CEP57L1: variants seen among roughly 807,000 people sequenced by gnomAD.
CEP57L1 encodes centrosomal protein 57 like 1.
Under a neutral mutation model 61.0 loss-of-function variants are expected in CEP57L1, and 37 were observed. The observed-to-expected ratio is 0.61, with a 90% CI of 0.47 to 0.80. CEP57L1 has a LOEUF of 0.80. Among genes scored for constraint, CEP57L1 ranks in the 30% least tolerant of loss-of-function variants. The pLI, the probability that CEP57L1 is intolerant of heterozygous loss-of-function variation, is 0.00. For missense variants in CEP57L1, 422 were observed against 524.7 expected (o/e 0.80, Z 1.91); for synonymous variants, 137 against 162.3 (o/e 0.84, Z 1.19).
intron 1 of CEP57L1, among the ~76,000 whole-genome samples, chr6:109,139,733 C>T (rs1771137464): frequency 6.6e-6 from 1 of 152,074 alleles, no homozygotes; most frequent in Non-Finnish European, 1.5e-5. Flanking sequence ...AATGATCTGC[C>T]CACCTTGGCC....
At chr6:109,153,231 CTT>C (rs34538762) in intron 4 of CEP57L1, among the ~76,000 whole-genome samples, 156 of 78,938 alleles carry the variant, frequency 2.0e-3, no homozygotes, top group East Asian at 0.012. Flanking sequence ...CTAATCTGCA[CTT>C]TTTTTTTTTT....
At chr6:109,104,322 A>AT (rs1770665707) in intron 1 of CEP57L1, among the ~76,000 whole-genome samples, 1 of 151,798 alleles carries the variant, frequency 6.6e-6, no homozygotes. Flanking sequence ...TTAAAAAAAA[A>AT]ATTTTTTTCT....
intron 1 of CEP57L1, among the ~76,000 whole-genome samples, chr6:109,123,823 C>T (rs1448881934): frequency 6.6e-6 from 1 of 152,030 alleles, no homozygotes; most frequent in African/African-American, 2.4e-5. Context: ...AATCTCAGTA[C>T]TTTGGGAGGC....
rs186339458 is a variant in CEP57L1 at position 109,121,240 on chromosome 6, G to A, written c.-3-23979G>A. Among the ~76,000 whole-genome samples the A allele has an allele frequency of 1.2e-3, 178 of 152,184 alleles. 3 individuals are homozygous for A. The highest frequency in any genetic ancestry group is 5.6e-4 in the Non-Finnish European group (38 of 67,998). ...AGTTGGTGTTTATTTTCATTCTGAA[G>A]CAATTTTAGTCATCTAGCAACTCAT... On this transcript the variant is annotated intron_variant, in intron 1 of 10. Coordinates refer to ENST00000517392, the MANE Select transcript of CEP57L1 (RefSeq NM_001271852.3).
chr6:109,120,020 A>G (rs1772767920), intron 1 of CEP57L1, among the ~76,000 whole-genome samples: 1 of 152,222 alleles, frequency 6.6e-6, no homozygotes, highest in African/African-American at 2.4e-5. Flanking sequence ...CTGGATATCA[A>G]TAATAGGCAA....
intron 10 of CEP57L1, 168 bp downstream of exon 10, chr6:109,160,884 A>C: frequency 1.9e-6 from 1 of 529,352 alleles, no homozygotes; most frequent in Non-Finnish European, 3.1e-6. Context: ...TCCCATTGGA[A>C]TAACATGGAC....
chr6:109,149,154 T>C (rs1418946252), intron 3 of CEP57L1, among the ~76,000 whole-genome samples: 1 of 152,246 alleles, frequency 6.6e-6, no homozygotes, highest in Non-Finnish European at 1.5e-5. Context: ...TTGGCTTTTG[T>C]TGCCATTGCT....
At chr6:109,111,814 G>A (rs527303842) in intron 1 of CEP57L1, among the ~76,000 whole-genome samples, 3 of 152,250 alleles carry the variant, frequency 2.0e-5, no homozygotes, top group Non-Finnish European at 4.4e-5. Context: ...CTGTTTATGC[G>A]ATGGATTACG....
At chr6:109,113,189 G>A (rs1771875397) in intron 1 of CEP57L1, among the ~76,000 whole-genome samples, 1 of 152,102 alleles carries the variant, frequency 6.6e-6, no homozygotes, top group African/African-American at 2.4e-5. Flanking sequence ...GAATCTGGGT[G>A]CTGCTGTATT....
chr6:109,155,891 A>T lies in CEP57L1; in HGVS notation c.744+14A>T. On this transcript the variant is annotated intron_variant, in intron 7 of 10. Transcript: ENST00000517392. ...AAATCTTCAAAGGTGTGCATATAAAATTTTTTCCCAAACAAAAATACTGCT... is the reference window on the plus strand; with the variant it reads ...AAATCTTCAAAGGTGTGCATATAAATTTTTTTCCCAAACAAAAATACTGCT... 7.0e-7 allele frequency: 1 copy of T among 1,420,844 alleles called. No individual in the cohort carries two copies. Among genetic ancestry groups the T allele is most frequent in the Non-Finnish European group, 9.8e-7 (1 of 1,019,414 alleles). The allele number at this position is 1,420,844 out of a possible 1,614,324, so 88.0% of individuals were successfully genotyped here. A position where few individuals can be genotyped will look rare whatever the true frequency, so the allele number is the denominator to read the frequency against.
At chr6:109,103,820 G>A (rs1413269597) in intron 1 of CEP57L1, among the ~76,000 whole-genome samples, 1 of 152,052 alleles carries the variant, frequency 6.6e-6, no homozygotes, top group Non-Finnish European at 1.5e-5. Flanking sequence ...TTATAAACCA[G>A]TCTCACTACT....
intron 1 of CEP57L1, among the ~76,000 whole-genome samples, chr6:109,127,787 A>T (rs1026327602): frequency 2.3e-4 from 32 of 140,312 alleles, no homozygotes; most frequent in African/African-American, 8.4e-4. Context: ...CGCCTGGCTA[A>T]TTTTTTTTTT....
intron 1 of CEP57L1, among the ~76,000 whole-genome samples, chr6:109,132,981 A>G (rs1262597181): frequency 6.6e-6 from 1 of 152,142 alleles, no homozygotes; most frequent in Non-Finnish European, 1.5e-5. Context: ...AGGTATTTTG[A>G]GTACTAGTCC....
intron 1 of CEP57L1, among the ~76,000 whole-genome samples, chr6:109,116,406 A>T (rs1268052642): frequency 4.6e-5 from 7 of 151,982 alleles, no homozygotes; most frequent in Non-Finnish European, 1.0e-4. Context: ...CAAACTCCCT[A>T]CCTCAGGTGA....
intron 2 of CEP57L1, among the ~76,000 whole-genome samples, chr6:109,146,291 G>A (rs1771952743): frequency 6.6e-6 from 1 of 151,726 alleles, no homozygotes; most frequent in Non-Finnish European, 1.5e-5. Flanking sequence ...CTGCATCATG[G>A]ACAAAGAAAC....
chr6:109,141,877 T>C (rs1771423906), intron 1 of CEP57L1, among the ~76,000 whole-genome samples: 2 of 152,158 alleles, frequency 1.3e-5, no homozygotes, highest in Non-Finnish European at 1.5e-5. Flanking sequence ...CCTTCTTCAG[T>C]TTCTCTAAGG....
intron 1 of CEP57L1, among the ~76,000 whole-genome samples, chr6:109,127,631 G>C (rs775668868): frequency 1.4e-5 from 2 of 145,214 alleles, no homozygotes; most frequent in Non-Finnish European, 3.0e-5. Context: ...GTTTTGTTTT[G>C]TTTTTTTGGA....
chr6:109,140,215 C>G (rs982690620), intron 1 of CEP57L1, among the ~76,000 whole-genome samples: 6 of 151,916 alleles, frequency 3.9e-5, no homozygotes, highest in African/African-American at 1.2e-4. Context: ...CCCTCAGCCT[C>G]CTGAGTAGCT....
intron 10 of CEP57L1, among the ~76,000 whole-genome samples, chr6:109,161,911 A>C (rs1773750878): frequency 6.6e-6 from 1 of 152,070 alleles, no homozygotes; most frequent in Non-Finnish European, 1.5e-5. Context: ...TACTCCCCCA[A>C]AGTCTGGATC....
Sources: gnomAD v4.1 joint callset for allele counts (sites outside exome capture counted in the v4.1 genomes callset) on GRCh38, gnomAD v4.1.1 for gene constraint, MANE v1.5 for transcripts, NCBI Gene and HGNC (gene_info 2026-07-23, HGNC 2026-07-21) for gene names.